Variants in PHF21B observed in about 807,000 individuals in gnomAD.
PHF21B encodes the protein PHD finger protein 21B.
A neutral mutation model predicts 62.2 loss-of-function variants in PHF21B; 22 were observed. The observed-to-expected ratio is 0.35, with a 90% confidence interval of 0.25 to 0.51. The LOEUF (loss-of-function observed/expected upper bound fraction) is 0.51. PHF21B is among the 20% of genes least tolerant of loss of function. The pLI is 0.97. For missense variants in PHF21B, 701 were observed against 707.9 expected (o/e 0.99, Z 0.11); for synonymous variants, 341 against 314.7 (o/e 1.08, Z -0.88).
At chr22:44,997,414 G>A (rs2073141139) in intron 2 of PHF21B, among the ~76,000 whole-genome samples, 1 of 152,120 alleles carries the variant, frequency 6.6e-6, no homozygotes, top group Admixed American at 6.6e-5. Context: ...TCTTGCAATG[G>A]CTGCAGGGAG....
chr22:44,939,731 C>T (rs139245451), intron 2 of PHF21B, among the ~76,000 whole-genome samples: 4 of 151,970 alleles, frequency 2.6e-5, no homozygotes, highest in Non-Finnish European at 4.4e-5. Context: ...GGGATAGGGC[C>T]GAAGGCAGCA....
chr22:44,927,129 C>T (rs760458091), intron 2 of PHF21B, among the ~76,000 whole-genome samples: 1 of 151,994 alleles, frequency 6.6e-6, no homozygotes, highest in Non-Finnish European at 1.5e-5. Context: ...GGCGGAGAGG[C>T]AGAACCCCGA....
chr22:44,999,587 C>T (rs761673), intron 2 of PHF21B, among the ~76,000 whole-genome samples: 139,776 of 152,118 alleles, frequency 0.92, 64,591 homozygotes, highest in South Asian at 0.97. Flanking sequence ...GGGATTGTCT[C>T]CAACATCGTA....
chr22:44,927,649 T>C (rs989807873), intron 2 of PHF21B, among the ~76,000 whole-genome samples: 1 of 152,216 alleles, frequency 6.6e-6, no homozygotes, highest in Non-Finnish European at 1.5e-5. Context: ...TCTACGTGTT[T>C]TCTTCACTCC....
At chr22:45,004,575 T>A (rs1387218943) in intron 2 of PHF21B, among the ~76,000 whole-genome samples, 1 of 152,230 alleles carries the variant, frequency 6.6e-6, no homozygotes, top group Non-Finnish European at 1.5e-5. Context: ...GAACTGGCAC[T>A]TTACATCAGA....
At chr22:44,905,685 G>A (rs573580976) in intron 5 of PHF21B, among the ~76,000 whole-genome samples, 4 of 152,222 alleles carry the variant, frequency 2.6e-5, no homozygotes, top group Non-Finnish European at 5.9e-5. Context: ...CTGTAGTGCA[G>A]TGGCACCATC....
At chr22:44,976,536 A>G (rs1816872853) in intron 2 of PHF21B, among the ~76,000 whole-genome samples, 1 of 152,212 alleles carries the variant, frequency 6.6e-6, no homozygotes, top group African/African-American at 2.4e-5. Context: ...CACATTTCAC[A>G]ATTTACACAG....
intron 7 of PHF21B, among the ~76,000 whole-genome samples, chr22:44,892,399 C>G (rs1390375080): frequency 6.6e-6 from 1 of 152,244 alleles, no homozygotes; most frequent in East Asian, 1.9e-4. Flanking sequence ...TCCCCACAGA[C>G]AGGGCAATTG....
intron 5 of PHF21B, among the ~76,000 whole-genome samples, chr22:44,912,557 G>C (rs2071360738): frequency 1.3e-5 from 2 of 152,186 alleles, no homozygotes; most frequent in South Asian, 4.1e-4. Flanking sequence ...CGCCATGTAA[G>C]ATGTGACTTG....
At chr22:44,907,801 G>A (rs2071277515) in intron 5 of PHF21B, among the ~76,000 whole-genome samples, 1 of 152,236 alleles carries the variant, frequency 6.6e-6, no homozygotes. Flanking sequence ...GTGAAGCCAT[G>A]TCATAGGCCC....
intron 2 of PHF21B, among the ~76,000 whole-genome samples, chr22:44,992,996 G>A (rs1378881242): frequency 6.6e-6 from 1 of 152,178 alleles, no homozygotes; most frequent in Non-Finnish European, 1.5e-5. Flanking sequence ...GTCCAACAGG[G>A]CATGGGACTC....
At chr22:44,978,611 G>A (rs1413573619) in intron 2 of PHF21B, among the ~76,000 whole-genome samples, 2 of 152,120 alleles carry the variant, frequency 1.3e-5, no homozygotes, top group Admixed American at 6.5e-5. Context: ...CACCCGCCTC[G>A]GTCTCCCAAA....
intron 11 of PHF21B, 63 bp downstream of exon 11, chr22:44,885,800 A>T: frequency 1.3e-6 from 2 of 1,534,334 alleles, no homozygotes; most frequent in South Asian, 2.3e-5. Flanking sequence ...AGGTGAGCCC[A>T]GAGGCCTGGG....
chr22:45,007,637 G>A (rs1379284744), intron 2 of PHF21B, among the ~76,000 whole-genome samples: 1 of 146,954 alleles, frequency 6.8e-6, no homozygotes, highest in African/African-American at 2.5e-5. Context: ...GGTGCCCCCA[G>A]CACGCCATTG....
intron 2 of PHF21B, among the ~76,000 whole-genome samples, chr22:44,992,474 C>A (rs1487946522): frequency 6.6e-6 from 1 of 152,248 alleles, no homozygotes; most frequent in African/African-American, 2.4e-5. Context: ...TGGCTGATGC[C>A]AAGCACAGCA....
chr22:44,889,211 T>C (rs2070915947), intron 9 of PHF21B, among the ~76,000 whole-genome samples: 1 of 147,998 alleles, frequency 6.8e-6, no homozygotes, highest in South Asian at 2.2e-4. Context: ...TCTGAGATCA[T>C]GCCATGAACG....
rs563812940 is a variant in PHF21B, at chr22:44,918,200, G to C, written c.214-1570C>G. The stretch of plus-strand genomic sequence containing the variant: ...AACTGCTGTTCTCCGCCTCTGAAGA[G>C]GACTGGCGTGGGGGCGGATGGACAC... On this transcript the variant is annotated intron_variant, in intron 3 of 12. Coordinates refer to ENST00000313237, the MANE Select transcript of PHF21B (RefSeq NM_138415.5). Among the ~76,000 whole-genome samples, 4 of 152,384 alleles carry C rather than the reference G, an allele frequency of 2.6e-5. No homozygotes were observed. The East Asian group carries it at 7.7e-4, about 29-fold the overall frequency.
chr22:44,999,115 C>G (rs1277286289), intron 2 of PHF21B, among the ~76,000 whole-genome samples: 2 of 152,228 alleles, frequency 1.3e-5, no homozygotes, highest in Non-Finnish European at 2.9e-5. Flanking sequence ...TGTTGGCAGT[C>G]AGGGACTGTA....
chr22:44,943,042 A>C (rs1362845294), intron 2 of PHF21B, among the ~76,000 whole-genome samples: 2 of 145,402 alleles, frequency 1.4e-5, no homozygotes, highest in Non-Finnish European at 1.5e-5. Context: ...CCAAGAGCAC[A>C]CAAAGTAGAT....
Sources: allele counts gnomAD v4.1 joint callset (sites outside exome capture counted in the v4.1 genomes callset), GRCh38; gene constraint gnomAD v4.1.1; transcripts MANE v1.5; gene names NCBI Gene and HGNC (gene_info 2026-07-23, HGNC 2026-07-21).